Variants in CLASP2 observed in about 807,000 individuals in gnomAD.
The protein encoded by CLASP2 is CLIP-associating protein 2.
A neutral mutation model predicts 194.4 loss-of-function variants in CLASP2; 47 were observed. That is an observed-to-expected ratio of 0.24 (90% confidence interval 0.19 to 0.31). CLASP2 has a LOEUF of 0.31. CLASP2 is among the 10% of genes least tolerant of loss of function. CLASP2 has a pLI of 1.00. For missense variants in CLASP2, 1,445 were observed against 1,823.6 expected (o/e 0.79, Z 3.78); for synonymous variants, 619 against 633.5 (o/e 0.98, Z 0.34).
chr3:33,687,238 G>A, intron 4 of CLASP2, 103 bp from the exon 5 acceptor site: 1 of 672,394 alleles, frequency 1.5e-6, no homozygotes, highest in Non-Finnish European at 2.5e-6. Context: ...CAAATATAGT[G>A]GACAGGATGG....
At chr3:33,588,788 G>C in intron 21 of CLASP2, 1 of 697,746 alleles carries the variant, frequency 1.4e-6, no homozygotes, top group East Asian at 2.7e-5. Flanking sequence ...AAGAGGGAAG[G>C]AGCAGTTTTT....
intron 4 of CLASP2, 67 bp downstream of exon 4, chr3:33,688,210 G>A (rs2090933663): frequency 4.1e-6 from 5 of 1,221,664 alleles, no homozygotes; most frequent in Non-Finnish European, 5.7e-6. Flanking sequence ...CCTTGACTTT[G>A]TGAACTGAGG....
chr3:33,644,517 T>C (rs2081947293), intron 8 of CLASP2: 1 of 466,470 alleles, frequency 2.1e-6, no homozygotes, highest in Non-Finnish European at 3.8e-6. Context: ...CAAAATGGCA[T>C]CTGAAAAATA....
intron 6 of CLASP2, among the ~76,000 whole-genome samples, chr3:33,666,797 T>C (rs2086249990): frequency 6.6e-6 from 1 of 152,224 alleles, no homozygotes; most frequent in Non-Finnish European, 1.5e-5. Flanking sequence ...GTTTCCAAAG[T>C]TGCTGCACCA....
chr3:33,525,829 C>G (rs1316427243), intron 34 of CLASP2, among the ~76,000 whole-genome samples: 1 of 152,224 alleles, frequency 6.6e-6, no homozygotes, highest in East Asian at 1.9e-4. Flanking sequence ...CAGCCTGCAG[C>G]CCCACTTCCA....
rs537739198 is a variant in CLASP2 at position 33,718,214 on chromosome 3, G to A, written c.-212C>T. On this transcript the variant is annotated 5_prime_UTR_variant, in exon 1 of 39. Transcript: ENST00000682230. The stretch of plus-strand genomic sequence containing the variant: ...CTCGGCGCCCCCCGATCCCCAGCCC[G>A]CTTCAGAGGCCGCGGCCGCGGGCGA... 1.0e-5 allele frequency: 3 copies of A among 301,060 alleles called. No individual in the cohort carries two copies. Among genetic ancestry groups the A allele is most frequent in the Middle Eastern group, 1.9e-3 (2 of 1,040 alleles). The allele number at this position is 301,060 out of a possible 1,614,324, so 18.6% of individuals were successfully genotyped here.
intron 7 of CLASP2, chr3:33,658,937 T>C (rs754192247): frequency 1.3e-6 from 2 of 1,505,316 alleles, no homozygotes; most frequent in South Asian, 2.4e-5. Flanking sequence ...AGGAAGTGTA[T>C]AACACAAGCA....
At chr3:33,610,462 C>T (rs1437377533) in intron 13 of CLASP2, among the ~76,000 whole-genome samples, 1 of 152,172 alleles carries the variant, frequency 6.6e-6, no homozygotes, top group East Asian at 1.9e-4. Context: ...TTAGGTTGTA[C>T]TCCACTCACT....
intron 10 of CLASP2, among the ~76,000 whole-genome samples, chr3:33,626,198 A>C (rs2078020405): frequency 6.6e-6 from 1 of 152,078 alleles, no homozygotes; most frequent in Non-Finnish European, 1.5e-5. Context: ...AGTGTCATAA[A>C]AGCCATATTT....
intron 1 of CLASP2, 125 bp downstream of exon 1, chr3:33,717,683 C>G (rs937028176): frequency 9.4e-7 from 1 of 1,060,582 alleles, no homozygotes; most frequent in East Asian, 2.6e-5. Flanking sequence ...CCTGTGCTTC[C>G]CAAAGTGTGT....
chr3:33,692,913 T>A (rs1262240897), intron 2 of CLASP2, among the ~76,000 whole-genome samples: 1 of 152,138 alleles, frequency 6.6e-6, no homozygotes, highest in Non-Finnish European at 1.5e-5. Flanking sequence ...TCGTACAAGA[T>A]GCAAACCATT....
chr3:33,532,178 TA>T (rs2056472691), intron 34 of CLASP2, among the ~76,000 whole-genome samples: 1 of 152,178 alleles, frequency 6.6e-6, no homozygotes, highest in Non-Finnish European at 1.5e-5. Flanking sequence ...CACAATGGAG[TA>T]TTATTCAGCC....
intron 32 of CLASP2, among the ~76,000 whole-genome samples, chr3:33,540,332 G>A (rs576198151): frequency 2.3e-3 from 341 of 151,430 alleles, no homozygotes; most frequent in Non-Finnish European, 3.6e-3. Flanking sequence ...GAACTCCTAG[G>A]CTTAAATAAT....
At chr3:33,513,578 A>G (rs972451620) in intron 36 of CLASP2, among the ~76,000 whole-genome samples, 2 of 152,200 alleles carry the variant, frequency 1.3e-5, no homozygotes, top group Non-Finnish European at 2.9e-5. Flanking sequence ...TATATTTAAA[A>G]GTTATGATTC....
intron 24 of CLASP2, among the ~76,000 whole-genome samples, chr3:33,574,905 G>C (rs575376888): frequency 5.3e-5 from 8 of 152,232 alleles, no homozygotes; most frequent in African/African-American, 1.9e-4. Context: ...TTCAGAATCA[G>C]ATTACTGGGA....
intron 6 of CLASP2, among the ~76,000 whole-genome samples, chr3:33,675,342 G>C (rs1356699510): frequency 6.6e-6 from 1 of 152,090 alleles, no homozygotes; most frequent in Non-Finnish European, 1.5e-5. Flanking sequence ...AAAACTACAT[G>C]ATTATCTCAA....
At chr3:33,515,287 C>T (rs1575721689) in intron 36 of CLASP2, among the ~76,000 whole-genome samples, 2 of 152,154 alleles carry the variant, frequency 1.3e-5, no homozygotes, top group East Asian at 1.9e-4. Flanking sequence ...GTTACCTAAT[C>T]GATGTCACTG....
Position 33,497,010 on chromosome 3 carries a change from T to C in CLASP2, c.*1621A>G, listed in dbSNP as rs1242850154. 1 of 152,606 alleles carries C rather than the reference T, an allele frequency of 6.6e-6. No homozygotes were observed. The highest frequency in any genetic ancestry group is 1.5e-5 in the Non-Finnish European group (1 of 68,014). 9.5% of individuals were successfully genotyped at this position (152,606 alleles called of 1,614,324 possible). A position where few individuals can be genotyped will look rare whatever the true frequency, so the allele number is the denominator to read the frequency against. On this transcript the variant is annotated 3_prime_UTR_variant, in exon 39 of 39. Transcript: ENST00000682230. Reference sequence around the variant, plus strand: ...ACATTATTAACTTTTTCAAGTAATGTTATGTACAGTTTTATTGCCAGTATA... The same window carrying C: ...ACATTATTAACTTTTTCAAGTAATGCTATGTACAGTTTTATTGCCAGTATA...
intron 24 of CLASP2, among the ~76,000 whole-genome samples, chr3:33,575,554 C>T (rs1239953031): frequency 6.6e-6 from 1 of 152,046 alleles, no homozygotes; most frequent in Non-Finnish European, 1.5e-5. Context: ...AAGCCAATTA[C>T]ATACATTTTT....
Sources: gnomAD v4.1 joint callset for allele counts (sites outside exome capture counted in the v4.1 genomes callset) on GRCh38, gnomAD v4.1.1 for gene constraint, MANE v1.5 for transcripts, NCBI Gene and HGNC (gene_info 2026-07-23, HGNC 2026-07-21) for gene names.